The following CDCA2 variants were observed in gnomAD, a reference collection of about 807,000 sequenced individuals.
CDCA2 encodes the protein cell division cycle-associated protein 2.
In CDCA2, 44 loss-of-function variants were observed where a neutral mutation model predicts 67.0. The ratio of observed to expected loss-of-function variants is 0.66; its 90% CI spans 0.52 to 0.84. CDCA2 has a LOEUF of 0.84. Ranked by LOEUF, CDCA2 falls within the 40% of genes least tolerant of loss-of-function variation. The pLI, the probability that CDCA2 is intolerant of heterozygous loss-of-function variation, is 0.00. For missense variants in CDCA2, 1,253 were observed against 1,203.2 expected (o/e 1.04, Z -0.61); for synonymous variants, 447 against 418.7 (o/e 1.07, Z -0.82).
chr8:25,475,722 A>T lies in CDCA2; in HGVS notation c.821-4191A>T, dbSNP rs569511034. On this transcript the variant is annotated intron_variant, in intron 7 of 14. Transcript: ENST00000330560. ...TTTTAACCTGGAAGACCCACTAACC[A>T]TGTTTCCTGCAGTTTAATACTGCTG... Among the ~76,000 whole-genome samples, 23 of 152,176 alleles carry T rather than the reference A, an allele frequency of 1.5e-4. No individual in the cohort carries two copies. In the South Asian group the frequency reaches 4.8e-3, roughly 32 times the overall value.
intron 13 of CDCA2, among the ~76,000 whole-genome samples, chr8:25,500,148 CCATTCATT>C (rs202038975): frequency 1.3e-5 from 2 of 151,962 alleles, no homozygotes; most frequent in African/African-American, 4.8e-5. Flanking sequence ...ACTTCTTTGA[CCATTCATT>C]CATTCATTCA....
chr8:25,492,101 AT>A (rs543432587), intron 13 of CDCA2, among the ~76,000 whole-genome samples: 7 of 145,648 alleles, frequency 4.8e-5, no homozygotes, highest in Non-Finnish European at 9.0e-5. Context: ...TGGCTGGCTA[AT>A]TTTTTTTTAC....
At chr8:25,496,816 T>C (rs1804240742) in intron 13 of CDCA2, among the ~76,000 whole-genome samples, 1 of 152,200 alleles carries the variant, frequency 6.6e-6, no homozygotes, top group Non-Finnish European at 1.5e-5. Context: ...TGTAAATTGC[T>C]ACAGCCTGTT....
chr8:25,468,838 T>A (rs1349212977), intron 6 of CDCA2, among the ~76,000 whole-genome samples: 1 of 152,106 alleles, frequency 6.6e-6, no homozygotes. Context: ...GTGTGGGGTG[T>A]ACTCCACAGG....
intron 6 of CDCA2, 98 bp downstream of exon 6, chr8:25,468,511 G>C (rs1803016045): frequency 1.1e-6 from 1 of 872,946 alleles, no homozygotes; most frequent in South Asian, 1.6e-5. Flanking sequence ...TTAGTACCTT[G>C]TTCTGCCCTG....
chr8:25,467,808 T>C (rs1802974439), intron 5 of CDCA2, among the ~76,000 whole-genome samples: 1 of 152,154 alleles, frequency 6.6e-6, no homozygotes, highest in Non-Finnish European at 1.5e-5. Flanking sequence ...ACTTAAGCAC[T>C]AGATTTTACT....
At chr8:25,489,527 CTG>C (rs1271261814) in intron 13 of CDCA2, among the ~76,000 whole-genome samples, 3 of 152,206 alleles carry the variant, frequency 2.0e-5, no homozygotes, top group African/African-American at 4.8e-5. Context: ...TCTCTTCCAT[CTG>C]ACATAGCCCC....
intron 4 of CDCA2, among the ~76,000 whole-genome samples, chr8:25,464,343 G>T (rs1298031158): frequency 6.6e-6 from 1 of 152,198 alleles, no homozygotes; most frequent in Admixed American, 6.5e-5. Context: ...TTGAGCCCAA[G>T]ATATCGAGGC....
chr8:25,476,671 G>T (rs891026163), intron 7 of CDCA2, among the ~76,000 whole-genome samples: 6 of 151,588 alleles, frequency 4.0e-5, no homozygotes, highest in Non-Finnish European at 2.9e-5. Flanking sequence ...TCCTAACCCA[G>T]CCCTCCTGAG....
At chr8:25,483,354 G>A (rs774930181) in intron 8 of CDCA2, 45 bp from the exon 9 acceptor site, 15 of 1,286,698 alleles carry the variant, frequency 1.2e-5, no homozygotes, top group Non-Finnish European at 1.5e-5. Flanking sequence ...TGACGTCTAT[G>A]TATTTCTATA....
At chr8:25,499,262 C>T (rs1420950446) in intron 13 of CDCA2, among the ~76,000 whole-genome samples, 1 of 149,858 alleles carries the variant, frequency 6.7e-6, no homozygotes, top group Non-Finnish European at 1.5e-5. Context: ...GTAACCTCTC[C>T]TATATGGTGT....
chr8:25,472,232 G>T (rs1454356831), intron 7 of CDCA2: 1 of 151,016 alleles, frequency 6.6e-6, no homozygotes, highest in Admixed American at 6.6e-5. Context: ...ATGGTTCTGT[G>T]CTGTTTCTTT....
At chr8:25,497,422 A>G (rs570827651) in intron 13 of CDCA2, among the ~76,000 whole-genome samples, 2 of 151,774 alleles carry the variant, frequency 1.3e-5, no homozygotes, top group South Asian at 2.1e-4. Flanking sequence ...AAGGACCTTA[A>G]GGGCATTACG....
At chr8:25,505,304 C>A (rs113318109) in intron 14 of CDCA2, among the ~76,000 whole-genome samples, 4 of 152,298 alleles carry the variant, frequency 2.6e-5, no homozygotes, top group African/African-American at 9.6e-5. Flanking sequence ...TGGGTACCAG[C>A]AATTCTCCTG....
intron 4 of CDCA2, among the ~76,000 whole-genome samples, chr8:25,463,189 G>C (rs1466670998): frequency 6.6e-6 from 1 of 152,100 alleles, no homozygotes. Context: ...AAATGTATTT[G>C]GGACAACCTT....
At chr8:25,497,181 A>G (rs1456229221) in intron 13 of CDCA2, among the ~76,000 whole-genome samples, 1 of 152,126 alleles carries the variant, frequency 6.6e-6, no homozygotes, top group Non-Finnish European at 1.5e-5. Context: ...ATTGTGGGAA[A>G]CATTACGGGG....
chr8:25,482,252 G>A (rs948168058), intron 8 of CDCA2, among the ~76,000 whole-genome samples: 5 of 152,296 alleles, frequency 3.3e-5, no homozygotes, highest in Middle Eastern at 3.4e-3. Flanking sequence ...CAAGAATATA[G>A]TAATGTAAAA....
chr8:25,490,518 G>A (rs1321007105), intron 13 of CDCA2, among the ~76,000 whole-genome samples: 2 of 152,032 alleles, frequency 1.3e-5, no homozygotes, highest in Non-Finnish European at 2.9e-5. Flanking sequence ...CTAGGAGGGA[G>A]CTAGAGAGGA....
chr8:25,485,451 T>C (rs967965391), intron 10 of CDCA2, among the ~76,000 whole-genome samples: 4 of 152,090 alleles, frequency 2.6e-5, no homozygotes, highest in African/African-American at 9.7e-5. Flanking sequence ...AATTTTTAAA[T>C]TTTCTTTATA....
Sources: allele counts gnomAD v4.1 joint callset (sites outside exome capture counted in the v4.1 genomes callset), GRCh38; gene constraint gnomAD v4.1.1; transcripts MANE v1.5; gene names NCBI Gene and HGNC (gene_info 2026-07-23, HGNC 2026-07-21).